STPG2: variants seen among roughly 807,000 people sequenced by gnomAD.
STPG2 encodes the protein sperm-tail PG-rich repeat-containing protein 2.
A neutral mutation model predicts 54.2 loss-of-function variants in STPG2; 56 were observed. The ratio of observed to expected loss-of-function variants is 1.03; its 90% CI spans 0.83 to 1.29. STPG2 has a LOEUF of 1.29. Among genes scored for constraint, STPG2 ranks in the 50% most tolerant of loss-of-function variants. The probability of loss-of-function intolerance (pLI) is 0.00; values close to 1 mark genes in which losing one functional copy is unlikely to be tolerated. For missense variants in STPG2, 596 were observed against 544.9 expected, an observed-to-expected ratio of 1.09 and a Z score of -0.93; for synonymous variants, 200 against 181.8, an observed-to-expected ratio of 1.10 and a Z score of -0.81.
At position 97,547,675 on chromosome 4, in the gene STPG2, C is replaced by T. The variant is rs116472383; in HGVS notation, c.462+165024G>A. ...TAGGTGATTATGGGTAAGGTGTTGA[C>T]GTTGAGGATAGATAGAAGCAGACAA... On this transcript the variant is annotated intron_variant, in intron 4 of 4. Transcript: ENST00000522676. 3.8e-3 allele frequency among the ~76,000 whole-genome samples: 581 copies of T among 152,080 alleles called. 3 individuals are homozygous for T. Among genetic ancestry groups the T allele is most frequent in the African/African-American group, 0.013 (533 of 41,488 alleles).
At chr4:97,691,523 C>A (rs1348251402) in intron 10 of STPG2, among the ~76,000 whole-genome samples, 1 of 152,036 alleles carries the variant, frequency 6.6e-6, no homozygotes, top group African/African-American at 2.4e-5. Flanking sequence ...ACCCAGCAAG[C>A]CCTGCCCAAG....
At chr4:97,766,348 T>C (rs1204275810) in intron 9 of STPG2, among the ~76,000 whole-genome samples, 2 of 152,024 alleles carry the variant, frequency 1.3e-5, no homozygotes, top group Non-Finnish European at 2.9e-5. Context: ...CAATCAAATA[T>C]TGAGAAACAT....
intron 7 of STPG2, among the ~76,000 whole-genome samples, chr4:97,953,205 A>G (rs1484124070): frequency 1.3e-5 from 2 of 152,182 alleles, no homozygotes; most frequent in Non-Finnish European, 2.9e-5. Context: ...CCACTAGAGT[A>G]ATGTTCTATG....
At chr4:97,516,976 C>A (rs764906377) in intron 4 of STPG2, among the ~76,000 whole-genome samples, 3 of 151,844 alleles carry the variant, frequency 2.0e-5, no homozygotes, top group African/African-American at 7.3e-5. Context: ...GGGGCGATCT[C>A]TGCTCACTGC....
At chr4:97,680,296 A>G (rs1236715089) in intron 10 of STPG2, among the ~76,000 whole-genome samples, 2 of 151,284 alleles carry the variant, frequency 1.3e-5, no homozygotes, top group Non-Finnish European at 3.0e-5. Flanking sequence ...ATCCTCTTTT[A>G]TTTCATTGAG....
In STPG2 at chr4:98,105,961, T is replaced by C. The variant is rs761732035; in HGVS notation, c.604A>G (p.Lys202Glu). The change falls in exon 5 of 11, where the codon AAA (lysine) becomes GAA (glutamate). Residue 202 changes from lysine to glutamate, a missense_variant. Transcript: ENST00000295268. ...GCCACTTTTCAACTTACCTTTTTTT[T>C]CTCCTGCAATACTATTATTTCATAT... ...RLYEIIVLQE[K>E]KKRFLPMKSI... The C allele has an allele frequency of 5.5e-5, 86 of 1,567,070 alleles. No individual in the cohort carries two copies. The highest frequency in any genetic ancestry group is 2.3e-4 in the African/African-American group (17 of 73,908).
At chr4:97,937,973 G>C (rs1349372603) in intron 8 of STPG2, among the ~76,000 whole-genome samples, 1 of 152,214 alleles carries the variant, frequency 6.6e-6, no homozygotes, top group Non-Finnish European at 1.5e-5. Flanking sequence ...AGATTCCTCA[G>C]AGCTAGCAGG....
At chr4:97,680,907 G>A (rs1723012827) in intron 10 of STPG2, among the ~76,000 whole-genome samples, 1 of 151,866 alleles carries the variant, frequency 6.6e-6, no homozygotes, top group African/African-American at 2.4e-5. Context: ...GCTAATAATA[G>A]AAAGGAAGAA....
chr4:98,112,130 A>G (rs1251363397), intron 3 of STPG2, among the ~76,000 whole-genome samples: 1 of 152,064 alleles, frequency 6.6e-6, no homozygotes, highest in African/African-American at 2.4e-5. Flanking sequence ...ACCCCATCTC[A>G]CATATATAGT....
intron 4 of STPG2, among the ~76,000 whole-genome samples, chr4:97,520,761 AG>A (rs1731163763): frequency 6.6e-6 from 1 of 152,064 alleles, no homozygotes; most frequent in South Asian, 2.1e-4. Flanking sequence ...GGCACTCACG[AG>A]AAACACAAAT....
chr4:97,745,792 T>C (rs1725405464), intron 9 of STPG2, among the ~76,000 whole-genome samples: 1 of 151,280 alleles, frequency 6.6e-6, no homozygotes, highest in South Asian at 2.1e-4. Context: ...TATGATTTTA[T>C]CTTCATGAAA....
intron 9 of STPG2, among the ~76,000 whole-genome samples, chr4:97,748,937 T>C (rs1454051880): frequency 6.6e-6 from 1 of 151,550 alleles, no homozygotes; most frequent in African/African-American, 2.4e-5. Flanking sequence ...TCCAATTTGT[T>C]TTCAGCTATT....
At chr4:97,893,017 T>C (rs1025072752) in intron 8 of STPG2, 6 of 152,096 alleles carry the variant, frequency 3.9e-5, no homozygotes, top group Admixed American at 6.6e-5. Context: ...GGTGGAAAGA[T>C]CAAATTATTC....
intron 4 of STPG2, among the ~76,000 whole-genome samples, chr4:97,509,137 G>A (rs1730914301): frequency 6.6e-6 from 1 of 152,004 alleles, no homozygotes; most frequent in South Asian, 2.1e-4. Context: ...ATGGGCTTAT[G>A]TCTCTCCAGG....
chr4:97,857,584 A>T (rs1196552534), intron 8 of STPG2, among the ~76,000 whole-genome samples: 1 of 150,850 alleles, frequency 6.6e-6, no homozygotes, highest in Non-Finnish European at 1.5e-5. Flanking sequence ...TATTTTATTA[A>T]TTTTTTCAAA....
chr4:97,837,662 C>G (rs1400424783), intron 9 of STPG2, among the ~76,000 whole-genome samples: 1 of 151,576 alleles, frequency 6.6e-6, no homozygotes, highest in Admixed American at 6.6e-5. Flanking sequence ...TATACTGAGT[C>G]TAGATGTACT....
At chr4:97,483,630 A>T (rs1294712778) in intron 4 of STPG2, among the ~76,000 whole-genome samples, 10 of 151,784 alleles carry the variant, frequency 6.6e-5, no homozygotes, top group Admixed American at 5.3e-4. Flanking sequence ...GTAGTGGGGG[A>T]CTTCACTATT....
At chr4:97,489,811 A>G (rs1411871308) in intron 4 of STPG2, 1 of 151,132 alleles carries the variant, frequency 6.6e-6, no homozygotes, top group East Asian at 2.0e-4. Context: ...CTACCCCGAA[A>G]TGTAAGTGTT....
chr4:97,797,173 C>A (rs923113171), intron 9 of STPG2, among the ~76,000 whole-genome samples: 4 of 152,138 alleles, frequency 2.6e-5, no homozygotes, highest in East Asian at 1.9e-4. Context: ...ATTGAATACC[C>A]TTTATTGATT....
Sources: gnomAD v4.1 joint callset for allele counts (sites outside exome capture counted in the v4.1 genomes callset) on GRCh38, gnomAD v4.1.1 for gene constraint, MANE v1.5 for transcripts, NCBI Gene and HGNC (gene_info 2026-07-23, HGNC 2026-07-21) for gene names.